The following CYP7B1 variants were observed in gnomAD, a reference collection of about 807,000 sequenced individuals.
CYP7B1 encodes cytochrome P450 7B1.
In CYP7B1, 29 loss-of-function variants were observed where a neutral mutation model predicts 42.7. That is an observed-to-expected ratio of 0.68 (90% CI 0.51 to 0.93). The LOEUF is 0.93. CYP7B1 is among the 40% of genes least tolerant of loss of function. CYP7B1 has a pLI of 0.00. For missense variants in CYP7B1, 655 were observed against 600.5 expected, an observed-to-expected ratio of 1.09 and a Z score of -0.95; for synonymous variants, 235 against 218.2, an observed-to-expected ratio of 1.08 and a Z score of -0.68.
At chr8:64,730,977 T>G (rs1349262407) in intron 1 of CYP7B1, among the ~76,000 whole-genome samples, 1 of 152,200 alleles carries the variant, frequency 6.6e-6, no homozygotes, top group Admixed American at 6.5e-5. Context: ...TTTTCCCTCC[T>G]CACTCTGCAC....
At chr8:64,598,721 C>T (rs187750328) in intron 5 of CYP7B1, among the ~76,000 whole-genome samples, 1 of 152,282 alleles carries the variant, frequency 6.6e-6, no homozygotes, top group Non-Finnish European at 1.5e-5. Flanking sequence ...TGACCTTCAG[C>T]TAGTGTTTAT....
chr8:64,774,371 A>G (rs1804285993), intron 1 of CYP7B1, among the ~76,000 whole-genome samples: 2 of 152,188 alleles, frequency 1.3e-5, no homozygotes, highest in Non-Finnish European at 2.9e-5. Context: ...GGAAGACACA[A>G]ATGGAAAGAC....
chr8:64,647,851 C>A (rs1805977334), intron 1 of CYP7B1, among the ~76,000 whole-genome samples: 1 of 152,090 alleles, frequency 6.6e-6, no homozygotes, highest in South Asian at 2.1e-4. Flanking sequence ...ACAGACACAC[C>A]CAGAAATAAT....
Position 64,596,903 on chromosome 8 carries a change from T to C in CYP7B1, c.1260A>G (p.Glu420=), listed in dbSNP as rs1278688344. The C allele has an allele frequency of 1.9e-6, 3 of 1,612,630 alleles. No homozygotes were observed. The highest frequency in any genetic ancestry group is 1.7e-5 in the Admixed American group (1 of 59,954). The change falls in exon 6 of 6, where the codon GAA becomes GAG. Residue 420 remains glutamate (E), a synonymous_variant. Transcript: ENST00000310193. ...PEEFRYDRFI[E]DGKKKTTFFK... is the part of the protein sequence containing the mutation. ...AAAAGGTGGTTTTCTTCTTACCATC[T>C]TCTATAAAACGATCATATCTAAACT... is the stretch of plus-strand genomic sequence containing the variant.
At position 64,754,551 on chromosome 8, in the gene CYP7B1, C is replaced by A. The variant is rs1807779355; in HGVS notation, c.122+43915G>T. 2.0e-5 allele frequency among the ~76,000 whole-genome samples: 3 copies of A among 151,910 alleles called. No individual in the cohort carries two copies. In the South Asian group the frequency reaches 6.2e-4, roughly 32 times the overall value. On this transcript the variant is annotated intron_variant, in intron 1 of 5. Transcript: ENST00000310193. ...CTGGAAGGACTAGAGGAAGTAAGTC[C>A]AACAAAGGTGAGCAGAGAGACAATG...
chr8:64,616,359 A>T (rs1805449578), intron 2 of CYP7B1, 78 bp from the exon 3 acceptor site: 2 of 948,580 alleles, frequency 2.1e-6, no homozygotes, highest in Admixed American at 5.1e-5. Flanking sequence ...ATTAAAAAAT[A>T]TGTTAATCAA....
Position 64,756,643 on chromosome 8 carries a change from G to A in CYP7B1, c.122+41823C>T, listed in dbSNP as rs571257739. On this transcript the variant is annotated intron_variant, in intron 1 of 5. Transcript: ENST00000310193. ...AAATGTTGAAACCATGCCCCTGCCC[G>A]CTAGCATCTCACAATCTGCTTCAGT... Among the ~76,000 whole-genome samples, 17 of 152,236 alleles carry A rather than the reference G, an allele frequency of 1.1e-4. No individual in the cohort carries two copies. In the East Asian group the frequency reaches 1.2e-3, roughly 10 times the overall value.
intron 1 of CYP7B1, among the ~76,000 whole-genome samples, chr8:64,789,517 G>A (rs1310226150): frequency 1.3e-5 from 2 of 152,286 alleles, no homozygotes; most frequent in Non-Finnish European, 2.9e-5. Flanking sequence ...GCAAGCCTTT[G>A]CACTCAGAAG....
intron 4 of CYP7B1, among the ~76,000 whole-genome samples, chr8:64,612,479 G>A (rs1240907040): frequency 6.6e-6 from 1 of 152,062 alleles, no homozygotes; most frequent in Non-Finnish European, 1.5e-5. Flanking sequence ...GAGTAGAATA[G>A]TTTTAAAGAG....
At chr8:64,630,888 G>C (rs1255903972) in intron 1 of CYP7B1, among the ~76,000 whole-genome samples, 1 of 152,218 alleles carries the variant, frequency 6.6e-6, no homozygotes, top group Admixed American at 6.5e-5. Context: ...TAAAGAGAAA[G>C]AGAAAGAAGA....
At chr8:64,768,149 C>A (rs1225593920) in intron 1 of CYP7B1, among the ~76,000 whole-genome samples, 1 of 152,144 alleles carries the variant, frequency 6.6e-6, no homozygotes, top group African/African-American at 2.4e-5. Context: ...CATACCCGAC[C>A]AATCAGGTAG....
At chr8:64,600,637 T>C (rs538114826) in intron 5 of CYP7B1, among the ~76,000 whole-genome samples, 71 of 152,292 alleles carry the variant, frequency 4.7e-4, no homozygotes, top group Admixed American at 7.8e-4. Flanking sequence ...TGCAGACAGT[T>C]TGACCAGCTT....
intron 1 of CYP7B1, among the ~76,000 whole-genome samples, chr8:64,742,646 TGTCAACA>T (rs1173318319): frequency 2.0e-5 from 3 of 152,168 alleles, no homozygotes; most frequent in African/African-American, 7.2e-5. Flanking sequence ...AAGATCAAGG[TGTCAACA>T]GGGTTGACTT....
chr8:64,621,111 A>G (rs1226281262), intron 2 of CYP7B1, among the ~76,000 whole-genome samples: 1 of 152,224 alleles, frequency 6.6e-6, no homozygotes, highest in Non-Finnish European at 1.5e-5. Context: ...TTTTGGTACC[A>G]TAAAGCCCAA....
chr8:64,744,035 G>A (rs1464086912), intron 1 of CYP7B1, among the ~76,000 whole-genome samples: 2 of 152,084 alleles, frequency 1.3e-5, no homozygotes, highest in Non-Finnish European at 2.9e-5. Flanking sequence ...AGATAAGCAT[G>A]AGAATTTTGG....
chr8:64,612,138 T>C (rs959677555), intron 4 of CYP7B1, among the ~76,000 whole-genome samples: 2 of 152,128 alleles, frequency 1.3e-5, no homozygotes, highest in African/African-American at 2.4e-5. Flanking sequence ...TTATCTTTTA[T>C]ACTTTTCTTT....
chr8:64,727,549 C>T (rs1563406740), intron 1 of CYP7B1, among the ~76,000 whole-genome samples: 1 of 152,208 alleles, frequency 6.6e-6, no homozygotes, highest in East Asian at 1.9e-4. Context: ...CATGAAGATT[C>T]CAACATCAAA....
chr8:64,695,062 A>G (rs1411112841), intron 1 of CYP7B1, among the ~76,000 whole-genome samples: 1 of 152,110 alleles, frequency 6.6e-6, no homozygotes, highest in East Asian at 1.9e-4. Context: ...ATTCAAAACA[A>G]TTCGAACCCT....
chr8:64,714,737 T>G (rs1052512412), intron 1 of CYP7B1, among the ~76,000 whole-genome samples: 1 of 152,156 alleles, frequency 6.6e-6, no homozygotes, highest in Non-Finnish European at 1.5e-5. Flanking sequence ...GATGTCCCCA[T>G]CATCTACTCT....
Sources: gnomAD v4.1 joint callset for allele counts (sites outside exome capture counted in the v4.1 genomes callset) on GRCh38, gnomAD v4.1.1 for gene constraint, MANE v1.5 for transcripts, NCBI Gene and HGNC (gene_info 2026-07-23, HGNC 2026-07-21) for gene names.